Variants in ANKS1B observed in about 807,000 individuals in gnomAD.
ANKS1B encodes ankyrin repeat and sterile alpha motif domain-containing protein 1B.
Under a neutral mutation model 148.3 loss-of-function variants are expected in ANKS1B, and 36 were observed. That is an observed-to-expected ratio of 0.24 (90% CI 0.19 to 0.32). The LOEUF (loss-of-function observed/expected upper bound fraction) is 0.32, where lower values mean the gene tolerates loss of function less well. Among genes scored for constraint, ANKS1B ranks in the 10% least tolerant of loss-of-function variants. ANKS1B has a pLI of 1.00. For synonymous variants in ANKS1B, 542 were observed against 560.8 expected (o/e 0.97, Z 0.47); for missense variants, 1,157 against 1,542.6 (o/e 0.75, Z 4.19).
At chr12:99,533,263 G>T (rs35429521) in intron 9 of ANKS1B, among the ~76,000 whole-genome samples, 1 of 151,996 alleles carries the variant, frequency 6.6e-6, no homozygotes, top group Admixed American at 6.6e-5. Context: ...AAGTGTATTA[G>T]GTATTTTATT....
intron 8 of ANKS1B, among the ~76,000 whole-genome samples, chr12:99,679,630 A>G (rs752152827): frequency 6.6e-6 from 1 of 151,998 alleles, no homozygotes; most frequent in Non-Finnish European, 1.5e-5. Context: ...ATTGAACTGG[A>G]AATATTACCA....
At chr12:99,637,866 AAG>A (rs2098256213) in intron 9 of ANKS1B, among the ~76,000 whole-genome samples, 1 of 150,296 alleles carries the variant, frequency 6.7e-6, no homozygotes, top group South Asian at 2.1e-4. Context: ...GAGAGACATA[AAG>A]AGAGAAAAAA....
intron 1 of ANKS1B, among the ~76,000 whole-genome samples, chr12:99,879,808 C>G (rs2092364210): frequency 6.6e-6 from 1 of 152,160 alleles, no homozygotes; most frequent in African/African-American, 2.4e-5. Flanking sequence ...CATTTTGAAA[C>G]AGGTAAGTCT....
chr12:99,086,333 A>C lies in ANKS1B; in HGVS notation c.2527-1310T>G, dbSNP rs112399188. Among the ~76,000 whole-genome samples the C allele has an allele frequency of 6.1e-3, 934 of 152,314 alleles. 9 individuals carry two copies. The highest frequency in any genetic ancestry group is 0.021 in the African/African-American group (884 of 41,576). On this transcript the variant is annotated intron_variant, in intron 15 of 26. Transcript: ENST00000683438. ...TATGTGCAAAGACCTGTGAGTAAGA[A>C]GGAATGTAGTATACTTGGAAGCATC... is the stretch of plus-strand genomic sequence containing the variant.
chr12:99,781,844 A>G (rs2064363232), intron 5 of ANKS1B, among the ~76,000 whole-genome samples, 178 bp downstream of exon 5: 3 of 152,216 alleles, frequency 2.0e-5, no homozygotes, highest in South Asian at 4.1e-4. Context: ...TTGCACATTG[A>G]TATCAATGTT....
intron 12 of ANKS1B, among the ~76,000 whole-genome samples, chr12:99,273,574 A>ATTTTT (rs1188069212): frequency 3.1e-5 from 3 of 97,036 alleles, no homozygotes; most frequent in African/African-American, 8.5e-5. Context: ...TTTTTTTGCG[A>ATTTTT]TTTTTTTTTT....
chr12:99,507,694 G>A (rs1052350049), intron 9 of ANKS1B, among the ~76,000 whole-genome samples: 1 of 151,876 alleles, frequency 6.6e-6, no homozygotes, highest in Admixed American at 6.6e-5. Flanking sequence ...GCCCCCGCGG[G>A]AAGGAGTTGG....
chr12:99,788,854 T>A (rs1240796852), intron 4 of ANKS1B, among the ~76,000 whole-genome samples: 1 of 152,080 alleles, frequency 6.6e-6, no homozygotes, highest in African/African-American at 2.4e-5. Flanking sequence ...GAAGTGGTGG[T>A]GGCCACAGGG....
intron 25 of ANKS1B, among the ~76,000 whole-genome samples, chr12:98,770,017 CTTATGTCTT>C (rs1260576875): frequency 7.9e-5 from 12 of 152,170 alleles, no homozygotes; most frequent in African/African-American, 2.9e-4. Context: ...ACAAACCTAT[CTTATGTCTT>C]TTAGCAGAAA....
At chr12:99,218,946 T>C (rs546740045) in intron 14 of ANKS1B, among the ~76,000 whole-genome samples, 1 of 152,350 alleles carries the variant, frequency 6.6e-6, no homozygotes, top group South Asian at 2.1e-4. Context: ...ATATACGTAT[T>C]ATACATAAAC....
intron 12 of ANKS1B, among the ~76,000 whole-genome samples, chr12:99,399,057 G>T (rs946981243): frequency 1.3e-5 from 2 of 152,060 alleles, no homozygotes; most frequent in Admixed American, 1.3e-4. Context: ...GCCTTGCCAG[G>T]CGTTAGCTCC....
At chr12:98,978,586 C>A (rs943726422) in intron 17 of ANKS1B, among the ~76,000 whole-genome samples, 1 of 149,488 alleles carries the variant, frequency 6.7e-6, no homozygotes, top group Non-Finnish European at 1.5e-5. Context: ...TTTCTATATT[C>A]TTTTTTCTGG....
At chr12:98,796,605 T>C (rs1167902693) in intron 22 of ANKS1B, among the ~76,000 whole-genome samples, 2 of 152,204 alleles carry the variant, frequency 1.3e-5, no homozygotes, top group Non-Finnish European at 2.9e-5. Flanking sequence ...TCTGGTGAAA[T>C]GTAGTGAATG....
intron 10 of ANKS1B, among the ~76,000 whole-genome samples, chr12:99,475,128 C>T (rs1415236044): frequency 6.6e-6 from 1 of 150,968 alleles, no homozygotes; most frequent in Non-Finnish European, 1.5e-5. Flanking sequence ...CCTGTAATCC[C>T]AGCTACTTGG....
intron 15 of ANKS1B, among the ~76,000 whole-genome samples, chr12:99,107,259 AT>A (rs1468913207): frequency 2.6e-5 from 4 of 152,088 alleles, no homozygotes; most frequent in African/African-American, 9.7e-5. Context: ...GCCATTTCTT[AT>A]TTTTGAAGGG....
chr12:99,331,422 C>T (rs554640487), intron 12 of ANKS1B, among the ~76,000 whole-genome samples: 1 of 152,114 alleles, frequency 6.6e-6, no homozygotes, highest in African/African-American at 2.4e-5. Flanking sequence ...CCTCCTGCAG[C>T]TGCCAGCCAA....
intron 9 of ANKS1B, among the ~76,000 whole-genome samples, chr12:99,600,758 A>C (rs985848227): frequency 1.3e-5 from 2 of 152,068 alleles, no homozygotes; most frequent in Non-Finnish European, 2.9e-5. Flanking sequence ...TCTAAACTGC[A>C]ACTTGAGAAA....
At chr12:99,867,232 C>G (rs893106653) in intron 1 of ANKS1B, among the ~76,000 whole-genome samples, 10 of 152,230 alleles carry the variant, frequency 6.6e-5, no homozygotes, top group African/African-American at 2.4e-4. Flanking sequence ...AAACATAGAG[C>G]CATTATGGCC....
At chr12:99,234,844 T>G (rs2087587070) in intron 14 of ANKS1B, among the ~76,000 whole-genome samples, 1 of 152,142 alleles carries the variant, frequency 6.6e-6, no homozygotes, top group African/African-American at 2.4e-5. Context: ...TTCACAGGGT[T>G]GTTTATCACA....
Sources: gnomAD v4.1 joint callset for allele counts (sites outside exome capture counted in the v4.1 genomes callset) on GRCh38, gnomAD v4.1.1 for gene constraint, MANE v1.5 for transcripts, NCBI Gene and HGNC (gene_info 2026-07-23, HGNC 2026-07-21) for gene names.